TBCK: variants seen among roughly 807,000 people sequenced by gnomAD.
The protein encoded by TBCK is TBC1 domain containing kinase.
A neutral mutation model predicts 113.4 loss-of-function variants in TBCK; 99 were observed. That is an observed-to-expected ratio of 0.87 (90% CI 0.74 to 1.03). The LOEUF (loss-of-function observed/expected upper bound fraction) is 1.03, where lower values mean the gene tolerates loss of function less well. Ranked by LOEUF, TBCK falls within the 50% of genes least tolerant of loss-of-function variation. The probability of loss-of-function intolerance (pLI) is 0.00; values close to 1 mark genes in which losing one functional copy is unlikely to be tolerated. For synonymous variants in TBCK, 369 were observed against 370.8 expected (o/e 1.00, Z 0.05); for missense variants, 1,045 against 1,061.3 (o/e 0.98, Z 0.21).
intron 25 of TBCK, among the ~76,000 whole-genome samples, chr4:106,048,682 A>C (rs1315953823): frequency 6.6e-6 from 1 of 152,170 alleles, no homozygotes; most frequent in Non-Finnish European, 1.5e-5. Context: ...ATTACTGAAA[A>C]AGCCTTGTGG....
intron 2 of TBCK, among the ~76,000 whole-genome samples, chr4:106,301,107 C>T (rs10009873): frequency 0.064 from 9,679 of 151,980 alleles, 365 homozygotes; most frequent in Non-Finnish European, 0.082. Flanking sequence ...ACCCCACAAT[C>T]ATGCAAACCA....
chr4:106,245,618 C>A (rs1334244070), intron 10 of TBCK, among the ~76,000 whole-genome samples: 1 of 152,132 alleles, frequency 6.6e-6, no homozygotes, highest in Non-Finnish European at 1.5e-5. Flanking sequence ...TATGCCATGA[C>A]TGGCAGATTC....
chr4:106,290,397 C>T (rs4481295), intron 3 of TBCK, among the ~76,000 whole-genome samples: 20,895 of 151,960 alleles, frequency 0.14, 1,671 homozygotes, highest in South Asian at 0.24. Context: ...CAGATGGTCT[C>T]GATCTCCTGA....
chr4:106,120,394 C>T (rs1188836629), intron 23 of TBCK, among the ~76,000 whole-genome samples: 7 of 152,058 alleles, frequency 4.6e-5, no homozygotes, highest in South Asian at 2.1e-4. Context: ...GGGGGAGGGG[C>T]GCCCACCATT....
chr4:106,049,198 CTA>C (rs1331121250), intron 25 of TBCK, among the ~76,000 whole-genome samples: 10 of 152,058 alleles, frequency 6.6e-5, no homozygotes, highest in Non-Finnish European at 1.5e-4. Flanking sequence ...CACTGAGCAC[CTA>C]CTAAGTAGGT....
At chr4:106,207,962 T>C (rs1755715632) in intron 20 of TBCK, among the ~76,000 whole-genome samples, 2 of 152,194 alleles carry the variant, frequency 1.3e-5, no homozygotes, top group African/African-American at 2.4e-5. Context: ...CAGAAATACA[T>C]GTGAATTAAT....
chr4:106,188,628 T>C (rs1753307552), intron 22 of TBCK, among the ~76,000 whole-genome samples: 4 of 152,200 alleles, frequency 2.6e-5, no homozygotes, highest in Admixed American at 2.6e-4. Context: ...TCCTATCAGA[T>C]TCTTGACAAT....
At position 106,250,403 on chromosome 4, in the gene TBCK, T is replaced by C. The variant is rs755687647; in HGVS notation, c.658+15A>G. ...ATATTTATATTTGAAAGATAAGCAA[T>C]TGTACGACACTTACCCAAAGTAAGC... On this transcript the variant is annotated intron_variant, in intron 7 of 25. Transcript: ENST00000394708. The C allele has an allele frequency of 6.6e-7, 1 of 1,508,482 alleles. No homozygotes were observed. The highest frequency in any genetic ancestry group is 1.9e-5 in the Admixed American group (1 of 53,514). The allele number at this position is 1,508,482 out of a possible 1,614,324, so 93.4% of individuals were successfully genotyped here. A position where few individuals can be genotyped will look rare whatever the true frequency, so the allele number is the denominator to read the frequency against.
chr4:106,310,418 C>T (rs1768070133), intron 1 of TBCK: 1 of 152,144 alleles, frequency 6.6e-6, no homozygotes, highest in African/African-American at 2.4e-5. Context: ...AAACAGCAGT[C>T]AGAGGGTTTG....
At chr4:106,184,086 G>C (rs1004441495) in intron 22 of TBCK, among the ~76,000 whole-genome samples, 1 of 151,956 alleles carries the variant, frequency 6.6e-6, no homozygotes, top group African/African-American at 2.4e-5. Context: ...CTGACTACAG[G>C]AAACTTTAGA....
chr4:106,154,151 G>A (rs1011892411), intron 23 of TBCK, among the ~76,000 whole-genome samples: 2 of 151,474 alleles, frequency 1.3e-5, no homozygotes, highest in African/African-American at 4.8e-5. Flanking sequence ...CTTCCTTCCT[G>A]TCTTCCTTTT....
intron 16 of TBCK, among the ~76,000 whole-genome samples, chr4:106,233,347 T>G (rs1282864745): frequency 1.3e-5 from 2 of 152,040 alleles, no homozygotes; most frequent in Admixed American, 1.3e-4. Context: ...CTGGTCCAAA[T>G]GAAGGGCAAA....
chr4:106,094,516 A>T (rs1371230725), intron 25 of TBCK, among the ~76,000 whole-genome samples: 1 of 152,096 alleles, frequency 6.6e-6, no homozygotes, highest in Non-Finnish European at 1.5e-5. Context: ...AAAAAAAAAT[A>T]AAGTTTTAAA....
intron 24 of TBCK, among the ~76,000 whole-genome samples, chr4:106,099,077 T>C (rs28597815): frequency 0.063 from 9,537 of 152,110 alleles, 351 homozygotes; most frequent in Non-Finnish European, 0.08. Flanking sequence ...TAATTCAGTC[T>C]ACAAAACAAT....
intron 22 of TBCK, among the ~76,000 whole-genome samples, chr4:106,193,096 T>C (rs1459685124): frequency 1.3e-5 from 2 of 152,180 alleles, no homozygotes; most frequent in Non-Finnish European, 2.9e-5. Flanking sequence ...GAATACTCTA[T>C]ATAGCTTAAC....
intron 23 of TBCK, among the ~76,000 whole-genome samples, chr4:106,129,111 A>G (rs1745567667): frequency 6.6e-6 from 1 of 152,204 alleles, no homozygotes; most frequent in Non-Finnish European, 1.5e-5. Flanking sequence ...TATCTTACAT[A>G]ATACAGAAAA....
At chr4:106,199,442 C>CCTTTT (rs1005846114) in intron 20 of TBCK, among the ~76,000 whole-genome samples, 4 of 152,188 alleles carry the variant, frequency 2.6e-5, no homozygotes, top group East Asian at 1.9e-4. Flanking sequence ...TTCTTAGATA[C>CCTTTT]CTTTTCTTTT....
At chr4:106,133,423 C>T (rs1746192544) in intron 23 of TBCK, among the ~76,000 whole-genome samples, 1 of 152,120 alleles carries the variant, frequency 6.6e-6, no homozygotes, top group Non-Finnish European at 1.5e-5. Context: ...ATAAATTACT[C>T]AGTCTTGGGT....
chr4:106,313,061 G>A (rs1374672893), intron 1 of TBCK, among the ~76,000 whole-genome samples: 1 of 152,106 alleles, frequency 6.6e-6, no homozygotes, highest in Non-Finnish European at 1.5e-5. Context: ...TAAAATCAAT[G>A]TGTTTTAATA....
Sources: allele counts gnomAD v4.1 joint callset (sites outside exome capture counted in the v4.1 genomes callset), GRCh38; gene constraint gnomAD v4.1.1; transcripts MANE v1.5; gene names NCBI Gene and HGNC (gene_info 2026-07-23, HGNC 2026-07-21).